VAV3: variants seen among roughly 807,000 people sequenced by gnomAD.
VAV3 encodes the protein vav guanine nucleotide exchange factor 3, also known as guanine nucleotide exchange factor VAV3.
In VAV3, 94 loss-of-function variants were observed where a neutral mutation model predicts 131.2. The ratio of observed to expected loss-of-function variants is 0.72; its 90% CI spans 0.61 to 0.85. The LOEUF (loss-of-function observed/expected upper bound fraction) is 0.85. VAV3 is among the 40% of genes least tolerant of loss of function. The probability of loss-of-function intolerance (pLI) is 0.00; values close to 1 mark genes in which losing one functional copy is unlikely to be tolerated. For synonymous variants in VAV3, 349 were observed against 342.0 expected (o/e 1.02, Z -0.22); for missense variants, 939 against 1,002.7 (o/e 0.94, Z 0.86).
intron 15 of VAV3, among the ~76,000 whole-genome samples, chr1:107,719,941 G>A (rs1161626837): frequency 1.3e-5 from 2 of 152,066 alleles, no homozygotes; most frequent in South Asian, 2.1e-4. Context: ...CCATCATTCT[G>A]AGCAAACTAT....
chr1:107,585,299 C>G (rs1248235778), intron 25 of VAV3, among the ~76,000 whole-genome samples: 5 of 152,136 alleles, frequency 3.3e-5, no homozygotes, highest in African/African-American at 1.2e-4. Context: ...TCATCTCTTA[C>G]CTTGATTGCT....
intron 5 of VAV3, among the ~76,000 whole-genome samples, chr1:107,771,475 G>C (rs1665040203): frequency 6.6e-6 from 1 of 152,122 alleles, no homozygotes. Context: ...GGATGGTCTT[G>C]ATCTCCTGAC....
Position 107,732,867 on chromosome 1 carries a change from C to G in VAV3, c.1502+16101G>C, listed in dbSNP as rs141883654. Reference sequence around the variant, plus strand: ...AGCTCTGAAGAGAGCAGTGGTTCTCCCGGCATGGTGTTTGAGCTCTGAGAA... The same window carrying G: ...AGCTCTGAAGAGAGCAGTGGTTCTCGCGGCATGGTGTTTGAGCTCTGAGAA... On this transcript the variant is annotated intron_variant, in intron 15 of 26. Transcript: ENST00000370056. Among the ~76,000 whole-genome samples, 199 of 152,274 alleles carry G rather than the reference C, an allele frequency of 1.3e-3. 1 individual carries two copies. Among genetic ancestry groups the G allele is most frequent in the African/African-American group, 4.7e-3 (196 of 41,546 alleles).
chr1:107,712,803 C>T (rs1337994689), intron 15 of VAV3, among the ~76,000 whole-genome samples: 1 of 152,096 alleles, frequency 6.6e-6, no homozygotes, highest in Non-Finnish European at 1.5e-5. Context: ...TTAAATAATT[C>T]CACAAACAAT....
At chr1:107,745,589 G>C (rs977695142) in intron 15 of VAV3, among the ~76,000 whole-genome samples, 4 of 152,160 alleles carry the variant, frequency 2.6e-5, no homozygotes, top group African/African-American at 9.7e-5. Context: ...CCTCTGGGGA[G>C]AATATTTATG....
At chr1:107,601,811 G>T (rs1358191420) in intron 24 of VAV3, among the ~76,000 whole-genome samples, 1 of 151,966 alleles carries the variant, frequency 6.6e-6, no homozygotes, top group East Asian at 1.9e-4. Context: ...TTATTCATTT[G>T]ATGTGATTTG....
intron 15 of VAV3, among the ~76,000 whole-genome samples, chr1:107,731,114 A>T (rs1001207992): frequency 4.6e-5 from 7 of 152,198 alleles, no homozygotes; most frequent in Admixed American, 2.6e-4. Flanking sequence ...CCAGACTCTA[A>T]ATACTCTTAA....
intron 2 of VAV3, among the ~76,000 whole-genome samples, chr1:107,830,037 A>G (rs1668179581): frequency 6.6e-6 from 1 of 152,148 alleles, no homozygotes; most frequent in Non-Finnish European, 1.5e-5. Flanking sequence ...TCCTTAACCA[A>G]AGATTTAGAT....
chr1:107,885,837 C>G (rs953308236), intron 1 of VAV3, among the ~76,000 whole-genome samples: 8 of 152,130 alleles, frequency 5.3e-5, no homozygotes, highest in African/African-American at 1.9e-4. Context: ...TATTCTGTCT[C>G]TTATATGGCA....
intron 1 of VAV3, among the ~76,000 whole-genome samples, chr1:107,948,207 G>A (rs187579046): frequency 6.6e-6 from 1 of 151,900 alleles, no homozygotes; most frequent in Admixed American, 6.6e-5. Flanking sequence ...TCACCTTTAC[G>A]GATTCCCCTA....
chr1:107,743,691 T>C (rs537601844), intron 15 of VAV3, among the ~76,000 whole-genome samples: 123 of 152,324 alleles, frequency 8.1e-4, no homozygotes, highest in African/African-American at 2.9e-3. Context: ...ATTCAAAATA[T>C]CTGAGCAATA....
intron 2 of VAV3, among the ~76,000 whole-genome samples, chr1:107,791,248 T>C (rs1347405347): frequency 6.6e-6 from 1 of 152,100 alleles, no homozygotes; most frequent in African/African-American, 2.4e-5. Context: ...GTGTGCCCCA[T>C]TAAACTCAGA....
intron 2 of VAV3, among the ~76,000 whole-genome samples, chr1:107,782,659 C>T (rs1005154869): frequency 6.6e-6 from 1 of 152,194 alleles, no homozygotes; most frequent in Non-Finnish European, 1.5e-5. Context: ...TGAGTCCATC[C>T]GTTAACTCTA....
At chr1:107,905,350 T>A (rs1672052628) in intron 1 of VAV3, among the ~76,000 whole-genome samples, 1 of 152,214 alleles carries the variant, frequency 6.6e-6, no homozygotes, top group Non-Finnish European at 1.5e-5. Context: ...TAAAGACTGG[T>A]ATATGCGACC....
intron 17 of VAV3, among the ~76,000 whole-genome samples, chr1:107,695,891 C>T (rs150305610): frequency 6.6e-6 from 1 of 152,188 alleles, no homozygotes; most frequent in Non-Finnish European, 1.5e-5. Flanking sequence ...GATTATCTAC[C>T]TCTCATTGAG....
intron 1 of VAV3, among the ~76,000 whole-genome samples, chr1:107,917,095 G>T (rs187561031): frequency 5.3e-5 from 8 of 152,272 alleles, no homozygotes; most frequent in African/African-American, 4.8e-5. Context: ...GGTGCAGAAA[G>T]TCATCATGGT....
intron 2 of VAV3, among the ~76,000 whole-genome samples, chr1:107,872,268 T>G (rs1670289314): frequency 6.6e-6 from 1 of 152,138 alleles, no homozygotes; most frequent in Admixed American, 6.6e-5. Flanking sequence ...TCAAATGAAG[T>G]CAGTAATATT....
chr1:107,719,759 CA>C (rs1445639603), intron 15 of VAV3, among the ~76,000 whole-genome samples: 1 of 152,100 alleles, frequency 6.6e-6, no homozygotes, highest in Non-Finnish European at 1.5e-5. Flanking sequence ...CACATGAACA[CA>C]TATGTTTATT....
chr1:107,734,528 T>A (rs1038027290), intron 15 of VAV3, among the ~76,000 whole-genome samples: 2 of 151,990 alleles, frequency 1.3e-5, no homozygotes, highest in Non-Finnish European at 2.9e-5. Flanking sequence ...ACCAACCAGA[T>A]GGAAAGCAAA....
Sources: allele counts gnomAD v4.1 joint callset (sites outside exome capture counted in the v4.1 genomes callset), GRCh38; gene constraint gnomAD v4.1.1; transcripts MANE v1.5; gene names NCBI Gene and HGNC (gene_info 2026-07-23, HGNC 2026-07-21).